ELAVL4: variants seen among roughly 807,000 people sequenced by gnomAD.
ELAVL4 encodes the protein ELAV like RNA binding protein 4, also known as ELAV-like protein 4.
A neutral mutation model predicts 35.6 loss-of-function variants in ELAVL4; 1 was observed. The observed-to-expected ratio is 0.03, with a 90% CI of 0.01 to 0.13. The LOEUF is 0.13. Ranked by LOEUF, ELAVL4 falls within the 10% of genes least tolerant of loss-of-function variation. The probability of loss-of-function intolerance (pLI) is 1.00; values close to 1 mark genes in which losing one functional copy is unlikely to be tolerated. For synonymous variants in ELAVL4, 156 were observed against 171.0 expected, an observed-to-expected ratio of 0.91 and a Z score of 0.69; for missense variants, 267 against 464.9, an observed-to-expected ratio of 0.57 and a Z score of 3.91.
chr1:50,139,619 T>G (rs1012075508), intron 1 of ELAVL4, among the ~76,000 whole-genome samples: 1 of 152,206 alleles, frequency 6.6e-6, no homozygotes, highest in African/African-American at 2.4e-5. Context: ...AATGTGCGTA[T>G]GACCTGACAT....
At chr1:50,070,346 G>A (rs907279249) in intron 1 of ELAVL4, among the ~76,000 whole-genome samples, 2 of 152,148 alleles carry the variant, frequency 1.3e-5, no homozygotes, top group African/African-American at 4.8e-5. Flanking sequence ...ACTTATTGGG[G>A]ATAGGGAGAA....
intron 2 of ELAVL4, among the ~76,000 whole-genome samples, chr1:50,174,995 A>G (rs2148819972): frequency 6.6e-6 from 1 of 152,246 alleles, no homozygotes; most frequent in East Asian, 1.9e-4. Flanking sequence ...TTTTACGCAA[A>G]TTAAATTGGG....
At chr1:50,059,713 G>A (rs1482893241) in intron 1 of ELAVL4, among the ~76,000 whole-genome samples, 1 of 151,788 alleles carries the variant, frequency 6.6e-6, no homozygotes, top group African/African-American at 2.4e-5. Context: ...CAGCCCAGAT[G>A]TCCATGAATG....
Position 50,192,469 on chromosome 1 carries a change from G to A in ELAVL4, c.355-1296G>A, listed in dbSNP as rs554477835. 4.5e-4 allele frequency among the ~76,000 whole-genome samples: 67 copies of A among 150,296 alleles called. 2 individuals are homozygous for A. In the South Asian group the frequency reaches 7.4e-3, roughly 17 times the overall value. ...GGAGGTTTAGGTCTTAATGTCAAAG[G>A]TCTGGTTTAATGTGTTCAATTCCTT... On this transcript the variant is annotated intron_variant, in intron 3 of 6. Coordinates refer to ENST00000371824, the MANE Select transcript of ELAVL4 (RefSeq NM_001144774.3).
At chr1:50,148,705 C>T (rs1383786662) in intron 2 of ELAVL4, among the ~76,000 whole-genome samples, 1 of 152,206 alleles carries the variant, frequency 6.6e-6, no homozygotes, top group Non-Finnish European at 1.5e-5. Flanking sequence ...GCCTCTGCTG[C>T]TGGGGAAAAC....
At chr1:50,147,892 A>C (rs987230316) in intron 2 of ELAVL4, among the ~76,000 whole-genome samples, 3 of 152,174 alleles carry the variant, frequency 2.0e-5, no homozygotes, top group Non-Finnish European at 4.4e-5. Context: ...TGGCTTCTGC[A>C]ATGTTAAAAT....
intron 1 of ELAVL4, among the ~76,000 whole-genome samples, chr1:50,116,267 G>T (rs1305454004): frequency 6.6e-6 from 1 of 152,052 alleles, no homozygotes; most frequent in Admixed American, 6.6e-5. Context: ...GTGGCTTTTT[G>T]AATTCCTTTT....
In ELAVL4 at chr1:50,201,809, G is replaced by C. The variant is rs939365755; in HGVS notation, c.*631G>C. ...GAACTAAAACAGTCTTCTGTTAGGG[G>C]ATGGGGGCAAGGGGGATACCTGATG... On this transcript the variant is annotated 3_prime_UTR_variant, in exon 7 of 7. Transcript: ENST00000371824. This position sits in a 1 kb window ranked among gnomAD's most constrained non-coding sequence, Gnocchi z 4.3. The C allele has an allele frequency of 6.6e-6, 1 of 151,872 alleles. No individual in the cohort carries two copies. The highest frequency in any genetic ancestry group is 1.5e-5 in the Non-Finnish European group (1 of 67,974). 9.4% of individuals were successfully genotyped at this position (151,872 alleles called of 1,614,324 possible).
chr1:50,196,700 G>A (rs1644083048), intron 5 of ELAVL4, among the ~76,000 whole-genome samples: 1 of 152,094 alleles, frequency 6.6e-6, no homozygotes, highest in Admixed American at 6.5e-5. Context: ...ATTTCATGAA[G>A]AGTCCAAGTC....
rs566272983 is a variant in ELAVL4 at position 50,190,047 on chromosome 1, T to C, written c.355-3718T>C. On this transcript the variant is annotated intron_variant, in intron 3 of 6. Coordinates refer to ENST00000371824, the MANE Select transcript of ELAVL4 (RefSeq NM_001144774.3). ...GTAAAGTCAGCTGCTTACAGTCACC[T>C]GGCTTTGAGCCACCCCTACCCAGAG... Among the ~76,000 whole-genome samples, 4 of 152,358 alleles carry C rather than the reference T, an allele frequency of 2.6e-5. No homozygotes were observed. In the South Asian group the frequency reaches 8.3e-4, roughly 32 times the overall value.
intron 3 of ELAVL4, among the ~76,000 whole-genome samples, chr1:50,186,519 G>C (rs1466910807): frequency 6.6e-6 from 1 of 152,144 alleles, no homozygotes; most frequent in Non-Finnish European, 1.5e-5. Context: ...AAGGAGAGGA[G>C]AGTCATTTGT....
intron 1 of ELAVL4, among the ~76,000 whole-genome samples, chr1:50,084,316 G>A (rs1025966932): frequency 6.6e-6 from 1 of 151,990 alleles, no homozygotes; most frequent in African/African-American, 2.4e-5. Flanking sequence ...TATAGATTTG[G>A]TAACTAAGCT....
At chr1:50,071,573 A>G (rs780243059) in intron 1 of ELAVL4, among the ~76,000 whole-genome samples, 1 of 152,176 alleles carries the variant, frequency 6.6e-6, no homozygotes, top group South Asian at 2.1e-4. Flanking sequence ...TGTAGGAAAC[A>G]TTAGGGGCAG....
intron 1 of ELAVL4, among the ~76,000 whole-genome samples, chr1:50,068,159 G>A (rs1358179016): frequency 6.6e-6 from 1 of 152,150 alleles, no homozygotes; most frequent in Non-Finnish European, 1.5e-5. Context: ...GGTTAAGGGG[G>A]ATAGGTTAGG....
chr1:50,124,166 A>C (rs889760138), intron 1 of ELAVL4, among the ~76,000 whole-genome samples: 1 of 152,102 alleles, frequency 6.6e-6, no homozygotes, highest in Admixed American at 6.6e-5. Flanking sequence ...CACCAACCCC[A>C]GTTCTGTAAC....
At chr1:50,048,140 C>T (rs879597296) in exon 1 of ELAVL4, 1 of 1,518,054 alleles carries the variant, frequency 6.6e-7, no homozygotes, top group African/African-American at 1.4e-5. Context: ...TCCGCAGCCT[C>T]GGGCCGGATC....
chr1:50,059,404 TG>T, intron 1 of ELAVL4, among the ~76,000 whole-genome samples: 1 of 152,266 alleles, frequency 6.6e-6, no homozygotes, highest in Non-Finnish European at 1.5e-5. Flanking sequence ...AACTGAAATT[TG>T]GATCCCTGAT....
At chr1:50,125,756 T>C (rs1669799097) in intron 1 of ELAVL4, among the ~76,000 whole-genome samples, 1 of 152,078 alleles carries the variant, frequency 6.6e-6, no homozygotes, top group Admixed American at 6.6e-5. Context: ...GATGGCTCCT[T>C]GCAGGAGCCT....
upstream of ELAVL4, chr1:50,106,160 G>T: frequency 1.9e-6 from 1 of 515,974 alleles, no homozygotes; most frequent in Non-Finnish European, 3.3e-6. Context: ...CTGTTTCCTA[G>T]CCCATTGTGC....
Sources: allele counts gnomAD v4.1 joint callset (sites outside exome capture counted in the v4.1 genomes callset), GRCh38; gene constraint gnomAD v4.1.1; non-coding constraint Gnocchi (gnomAD v3.1); transcripts MANE v1.5; gene names NCBI Gene and HGNC (gene_info 2026-07-23, HGNC 2026-07-21).